The following APBA1 variants were observed in gnomAD, a reference collection of about 807,000 sequenced individuals.
The protein encoded by APBA1 is amyloid-beta A4 precursor protein-binding family A member 1.
In APBA1, 55 loss-of-function variants were observed where a neutral mutation model predicts 86.6. The observed-to-expected ratio is 0.64, with a 90% CI of 0.51 to 0.80. The LOEUF (loss-of-function observed/expected upper bound fraction) is 0.80. Among genes scored for constraint, APBA1 ranks in the 30% least tolerant of loss-of-function variants. The pLI, the probability that APBA1 is intolerant of heterozygous loss-of-function variation, is 0.00. For synonymous variants in APBA1, 511 were observed against 493.9 expected (o/e 1.03, Z -0.46); for missense variants, 1,090 against 1,183.0 (o/e 0.92, Z 1.15).
rs181679038 is a variant in APBA1 at position 69,539,840 on chromosome 9, C to G, written c.-69-22561G>C. ...TCTGCTTATATGTCACCTTATTAGCCGGGGGCAGTGGCTGACACCTGTAAT... is the reference window on the plus strand; with the variant it reads ...TCTGCTTATATGTCACCTTATTAGCGGGGGGCAGTGGCTGACACCTGTAAT... On this transcript the variant is annotated intron_variant, in intron 1 of 12. Coordinates refer to ENST00000265381, the MANE Select transcript of APBA1 (RefSeq NM_001163.4). 3.7e-3 allele frequency among the ~76,000 whole-genome samples: 563 copies of G among 152,116 alleles called. 2 individuals are homozygous for G. Among genetic ancestry groups the G allele is most frequent in the African/African-American group, 0.013 (542 of 41,500 alleles).
intron 1 of APBA1, among the ~76,000 whole-genome samples, chr9:69,548,389 A>G (rs567305679): frequency 1.3e-5 from 2 of 152,334 alleles, no homozygotes; most frequent in Non-Finnish European, 2.9e-5. Context: ...CTTCCCATCT[A>G]CAGAACCTTA....
In APBA1 at chr9:69,648,973, A is replaced by G. The variant is rs188423492; in HGVS notation, c.-70+23180T>C. Among the ~76,000 whole-genome samples, 255 of 152,264 alleles carry G rather than the reference A, an allele frequency of 1.7e-3. 1 individual carries two copies. Among genetic ancestry groups the G allele is most frequent in the African/African-American group, 5.8e-3 (240 of 41,530 alleles). ...TCCTTATTTCAGTAACTGGAACTCC[A>G]TCCCTCCAGAAGCACAAAACAGAAC... On this transcript the variant is annotated intron_variant, in intron 1 of 12. Coordinates refer to ENST00000265381, the MANE Select transcript of APBA1 (RefSeq NM_001163.4).
At chr9:69,520,365 A>G (rs959740879) in intron 1 of APBA1, among the ~76,000 whole-genome samples, 2 of 152,308 alleles carry the variant, frequency 1.3e-5, no homozygotes, top group East Asian at 1.9e-4. Context: ...GGCAAGATGA[A>G]TTAAATTCTT....
intron 9 of APBA1, 31 bp from the exon 10 acceptor site, chr9:69,449,827 C>T: frequency 1.3e-6 from 2 of 1,583,178 alleles, no homozygotes; most frequent in South Asian, 1.1e-5. Context: ...AGAAAACCTC[C>T]ATCAGTGACC....
At chr9:69,511,433 G>T (rs1237688098) in intron 2 of APBA1, among the ~76,000 whole-genome samples, 1 of 152,172 alleles carries the variant, frequency 6.6e-6, no homozygotes, top group Admixed American at 6.5e-5. Context: ...ACAGGTGCTG[G>T]AGAGGATGTG....
In APBA1 at chr9:69,456,429, T is replaced by C; in HGVS notation, c.1606A>G (p.Thr536Ala). Residue 536 changes from threonine to alanine, a missense_variant, in exon 8 of 13, where the codon ACA becomes GCA. Transcript: ENST00000265381. ...IKVLNADTQE[T>A]MMDHPLRTIS... ...GTCCTCAGAGGGTGGTCCATCATTG[T>C]CTCCTGGAGGCAGGAAGAGAGGGCG... 6.3e-7 allele frequency: 1 copy of C among 1,588,804 alleles called. No homozygotes were observed. Among genetic ancestry groups the C allele is most frequent in the African/African-American group, 1.3e-5 (1 of 74,464 alleles).
At chr9:69,527,126 A>G (rs1292892251) in intron 1 of APBA1, among the ~76,000 whole-genome samples, 1 of 152,058 alleles carries the variant, frequency 6.6e-6, no homozygotes, top group Non-Finnish European at 1.5e-5. Flanking sequence ...ACTGGGTACT[A>G]TGCTCAGTTT....
intron 1 of APBA1, among the ~76,000 whole-genome samples, chr9:69,648,541 A>C (rs1163913163): frequency 1.3e-5 from 2 of 152,136 alleles, no homozygotes; most frequent in African/African-American, 4.8e-5. Context: ...TGTTCATTTC[A>C]CCAGTGGGCA....
At chr9:69,493,938 C>T (rs1275124612) in intron 2 of APBA1, among the ~76,000 whole-genome samples, 1 of 152,092 alleles carries the variant, frequency 6.6e-6, no homozygotes, top group East Asian at 1.9e-4. Flanking sequence ...TAACCTTATT[C>T]CACATTAGAA....
Position 69,431,401 on chromosome 9 carries a change from G to A in APBA1, c.2443-3C>T. 6.2e-7 allele frequency: 1 copy of A among 1,612,808 alleles called. No individual in the cohort carries two copies. Among genetic ancestry groups the A allele is most frequent in the Non-Finnish European group, 8.5e-7 (1 of 1,179,366 alleles). ...GCTGGCATTGTCTTCATATGAATCT[G>A]AGGGTAAAGAACACACTTTAGTGGG... On this transcript the variant is annotated splice_region_variant and splice_polypyrimidine_tract_variant and intron_variant, in intron 12 of 12. Coordinates refer to ENST00000265381, the MANE Select transcript of APBA1 (RefSeq NM_001163.4).
At chr9:69,476,480 CA>C (rs754397919) in intron 2 of APBA1, among the ~76,000 whole-genome samples, 1 of 152,140 alleles carries the variant, frequency 6.6e-6, no homozygotes, top group Non-Finnish European at 1.5e-5. Flanking sequence ...ATGTTTAAAA[CA>C]TTTTTTTCTT....
In APBA1 at chr9:69,517,098, T is replaced by C; in HGVS notation, c.113A>G (p.Gln38Arg). 6.3e-7 allele frequency: 1 copy of C among 1,579,714 alleles called. No individual in the cohort carries two copies. Among genetic ancestry groups the C allele is most frequent in the Non-Finnish European group, 8.6e-7 (1 of 1,167,148 alleles). The change falls in exon 2 of 13, where the codon CAG becomes CGG. Residue 38 changes from glutamine (Q) to arginine (R), a missense_variant. Coordinates refer to ENST00000265381, the MANE Select transcript of APBA1 (RefSeq NM_001163.4). ...DLEHPEVEEE[Q>R]QQPPQQQHYV... The stretch of plus-strand genomic sequence containing the variant: ...GTGCTGCTGCTGCGGCGGCTGCTGC[T>C]GTTCCTCTTCCACCTCGGGGTGCTC...
intron 1 of APBA1, among the ~76,000 whole-genome samples, chr9:69,646,678 C>T (rs1170697780): frequency 1.3e-5 from 2 of 152,200 alleles, no homozygotes; most frequent in African/African-American, 2.4e-5. Context: ...GAACTGTCCC[C>T]CTGCACCAGG....
rs764001896 is a variant in APBA1 at position 69,536,045 on chromosome 9, TG to T, written c.-69-18767del. ...ATTAGGTAGATGGCGTGCAGTTTTT[TG>T]TTTTTTTTTTTTTGATGTTGTACAA... On this transcript the variant is annotated intron_variant, in intron 1 of 12. Transcript: ENST00000265381. Among the ~76,000 whole-genome samples, 407 of 58,080 alleles carry T rather than the reference TG, an allele frequency of 7.0e-3. 1 individual carries two copies. Among genetic ancestry groups the T allele is most frequent in the Non-Finnish European group, 0.01 (286 of 27,938 alleles). 38.1% of individuals were successfully genotyped at this position (58,080 alleles called of 152,430 possible).
intron 1 of APBA1, among the ~76,000 whole-genome samples, chr9:69,604,376 A>G (rs1352677391): frequency 6.8e-6 from 1 of 146,486 alleles, no homozygotes; most frequent in Non-Finnish European, 1.5e-5. Flanking sequence ...GTGGGCACAC[A>G]TGCACACACT....
intron 1 of APBA1, among the ~76,000 whole-genome samples, chr9:69,529,407 C>G (rs1836390133): frequency 6.6e-6 from 1 of 151,998 alleles, no homozygotes; most frequent in Admixed American, 6.6e-5. Flanking sequence ...CCAAGACAAT[C>G]AATTCTCTAA....
At position 69,476,117 on chromosome 9, in the gene APBA1, G is replaced by A. The variant is rs765571545; in HGVS notation, c.1227C>T (p.Pro409=). 6.2e-6 allele frequency: 10 copies of A among 1,613,812 alleles called. No individual in the cohort carries two copies. Among genetic ancestry groups the A allele is most frequent in the Non-Finnish European group, 6.8e-6 (8 of 1,179,914 alleles). ...ATGTGCTTGATGACTCTGCACCCAA[G>A]GGGGAGGAGCTGCCAGGAGACGGAG... ...GDSPSPGSSS[P]LGAESSSTSL... Residue 409 remains proline (P), a synonymous_variant, in exon 3 of 13, where the codon CCC becomes CCT. Transcript: ENST00000265381.
Position 69,525,190 on chromosome 9 carries a change from G to A in APBA1, c.-69-7911C>T, listed in dbSNP as rs78027082. On this transcript the variant is annotated intron_variant, in intron 1 of 12. Coordinates refer to ENST00000265381, the MANE Select transcript of APBA1 (RefSeq NM_001163.4). ...CTGGAACAAGGCAAGGATGCCCACC[G>A]TCATCACCTATTCAGCATAGTTTTG... 7.0e-4 allele frequency among the ~76,000 whole-genome samples: 107 copies of A among 152,052 alleles called. 1 individual carries two copies. In the East Asian group the frequency reaches 0.018, roughly 26 times the overall value.
At chr9:69,536,746 C>T (rs368473778) in intron 1 of APBA1, among the ~76,000 whole-genome samples, 3 of 146,706 alleles carry the variant, frequency 2.0e-5, no homozygotes, top group African/African-American at 2.5e-5. Context: ...CAGGCGTGTT[C>T]GCACACACCT....
Sources: allele counts gnomAD v4.1 joint callset (sites outside exome capture counted in the v4.1 genomes callset), GRCh38; gene constraint gnomAD v4.1.1; transcripts MANE v1.5; gene names NCBI Gene and HGNC (gene_info 2026-07-23, HGNC 2026-07-21).